RECQL5: variants seen among roughly 807,000 people sequenced by gnomAD.
The protein encoded by RECQL5 is RecQ like helicase 5.
Under a neutral mutation model 103.4 loss-of-function variants are expected in RECQL5, and 88 were observed. The observed-to-expected ratio is 0.85, with a 90% CI of 0.72 to 1.02. RECQL5 has a LOEUF of 1.02. RECQL5 is among the 50% of genes least tolerant of loss of function. The probability of loss-of-function intolerance (pLI) is 0.00; values close to 1 mark genes in which losing one functional copy is unlikely to be tolerated. For synonymous variants in RECQL5, 552 were observed against 507.9 expected (o/e 1.09, Z -1.17); for missense variants, 1,232 against 1,284.3 (o/e 0.96, Z 0.62).
Position 75,640,232 on chromosome 17 carries a change from C to G in RECQL5, c.1230-8564G>C. ...TGCCACCGACTTCGTGCAGGAGATG[C>G]GCGCCGTGGGCGAGAGGCTGCTGCT... On this transcript the variant is annotated intron_variant, in intron 8 of 19. Coordinates refer to ENST00000317905, the MANE Select transcript of RECQL5 (RefSeq NM_004259.7). This position sits in a 1 kb window ranked among gnomAD's most constrained non-coding sequence, Gnocchi z 4.6. The G allele has an allele frequency of 6.4e-7, 1 of 1,550,852 alleles. No homozygotes were observed. Among genetic ancestry groups the G allele is most frequent in the Non-Finnish European group, 8.7e-7 (1 of 1,146,750 alleles).
At chr17:75,663,122 A>C in intron 3 of RECQL5, 125 bp from the exon 4 acceptor site, 1 of 937,514 alleles carries the variant, frequency 1.1e-6, no homozygotes. Context: ...TTCTCTTTGC[A>C]TAGAAGTAGT....
In RECQL5 at chr17:75,662,473, C is replaced by T; in HGVS notation, c.771+6G>A. ...CAGCTGCTTGGCCTCCACCTCAATG[C>T]CTCACCCCTTTATCAGCCTCCTGTC... On this transcript the variant is annotated splice_donor_region_variant and intron_variant, in intron 4 of 19. Transcript: ENST00000317905. 1.2e-6 allele frequency: 2 copies of T among 1,611,320 alleles called. No individual in the cohort carries two copies. The highest frequency in any genetic ancestry group is 8.5e-7 in the Non-Finnish European group (1 of 1,178,176).
At chr17:75,633,238 T>G (rs1321184053) in intron 8 of RECQL5, among the ~76,000 whole-genome samples, 1 of 152,218 alleles carries the variant, frequency 6.6e-6, no homozygotes, top group African/African-American at 2.4e-5. Context: ...ATGGCTGGCT[T>G]CCTCCCCCTG....
intron 7 of RECQL5, among the ~76,000 whole-genome samples, chr17:75,655,520 C>A (rs368641641): frequency 1.3e-5 from 2 of 151,992 alleles, no homozygotes; most frequent in African/African-American, 4.8e-5. Context: ...CCCGCCACGA[C>A]GCCCAGCTAA....
intron 8 of RECQL5, among the ~76,000 whole-genome samples, chr17:75,644,877 G>C (rs995781999): frequency 6.7e-6 from 1 of 150,236 alleles, no homozygotes; most frequent in African/African-American, 2.4e-5. Flanking sequence ...TTAATTGAAA[G>C]AGCTGGTCAA....
chr17:75,628,150 C>T (rs2059136734), intron 18 of RECQL5, 68 bp downstream of exon 18: 4 of 1,356,090 alleles, frequency 2.9e-6, no homozygotes, highest in Admixed American at 1.7e-5. Flanking sequence ...AAACTCCCTG[C>T]CTCCCACCCC....
intron 8 of RECQL5, chr17:75,639,689 G>GTT (rs1397982358): frequency 6.5e-6 from 1 of 152,986 alleles, no homozygotes; most frequent in African/African-American, 2.4e-5. Flanking sequence ...CAGGGGGGCA[G>GTT]TTTTCACCTC....
intron 3 of RECQL5, among the ~76,000 whole-genome samples, chr17:75,664,054 CA>C (rs34569441): frequency 4.2e-4 from 44 of 105,700 alleles, no homozygotes; most frequent in African/African-American, 1.2e-3. Flanking sequence ...AACTCCATCT[CA>C]AAAAAAAAAA....
rs1156689493 is a variant in RECQL5 at position 75,640,959 on chromosome 17, T to C, written c.1230-9291A>G. 2 of 1,526,448 alleles carry C rather than the reference T, an allele frequency of 1.3e-6. No homozygotes were observed. The highest frequency in any genetic ancestry group is 1.8e-6 in the Non-Finnish European group (2 of 1,138,376). 94.6% of individuals were successfully genotyped at this position (1,526,448 alleles called of 1,614,324 possible). A position where few individuals can be genotyped will look rare whatever the true frequency, so the allele number is the denominator to read the frequency against. ...ATGGCCAATGCCATGACACAGGCCA[T>C]CAGCCTGGCCCTGCAGCCCTTACCC... On this transcript the variant is annotated intron_variant, in intron 8 of 19. Transcript: ENST00000317905. This position sits in a 1 kb window ranked among gnomAD's most constrained non-coding sequence, Gnocchi z 4.6.
Position 75,661,031 on chromosome 17 carries a change from C to T in RECQL5, c.910G>A (p.Asp304Asn), listed in dbSNP as rs1473986109. ...ACAGGGACCTTCTCCTCCATCCAGT[C>T]GTTCTGCACCAGCGTTCTTTCAGAG... is the stretch of plus-strand genomic sequence containing the variant. ...KASERTLVQN[D>N]WMEEKVPVIV... is the part of the protein sequence containing the mutation. The change falls in exon 6 of 20, where the codon GAC becomes AAC. Residue 304 changes from aspartate (D) to asparagine (N), a missense_variant. Asp to Asn is a conservative substitution (Grantham distance 23). Coordinates refer to ENST00000317905, the MANE Select transcript of RECQL5 (RefSeq NM_004259.7). 11 of 1,614,220 alleles carry T rather than the reference C, an allele frequency of 6.8e-6. No individual in the cohort carries two copies. The highest frequency in any genetic ancestry group is 4.0e-5 in the African/African-American group (3 of 75,056).
At chr17:75,659,196 G>A (rs1240454523) in intron 6 of RECQL5, among the ~76,000 whole-genome samples, 1 of 152,100 alleles carries the variant, frequency 6.6e-6, no homozygotes, top group Non-Finnish European at 1.5e-5. Context: ...TGAGTAGCTG[G>A]GACTACAGGT....
intron 14 of RECQL5, 94 bp downstream of exon 14, chr17:75,630,090 G>A (rs1327973913): frequency 8.6e-7 from 1 of 1,165,724 alleles, no homozygotes; most frequent in African/African-American, 1.6e-5. Flanking sequence ...GTGAGTTCTG[G>A]GCTGCCTGAG....
intron 8 of RECQL5, 93 bp downstream of exon 8, chr17:75,651,093 G>C: frequency 6.2e-7 from 1 of 1,607,714 alleles, no homozygotes; most frequent in South Asian, 1.1e-5. Flanking sequence ...GGTAGCCTAC[G>C]GGCTGTCTTA....
intron 8 of RECQL5, among the ~76,000 whole-genome samples, chr17:75,648,558 A>T (rs2059515811): frequency 6.7e-6 from 1 of 149,728 alleles, no homozygotes; most frequent in South Asian, 2.1e-4. Context: ...TATTTTTAGT[A>T]GAGATGGGGT....
At chr17:75,630,945 C>T (rs774868878) in intron 11 of RECQL5, 29 bp downstream of exon 11, 2 of 1,611,952 alleles carry the variant, frequency 1.2e-6, no homozygotes, top group East Asian at 2.2e-5. Flanking sequence ...GAAGAGCCCA[C>T]AAGCCTCCAG....
chr17:75,629,666 T>G, intron 15 of RECQL5, 42 bp downstream of exon 15: 1 of 1,568,910 alleles, frequency 6.4e-7, no homozygotes, highest in Non-Finnish European at 8.7e-7. Context: ...AAGTGAAGCC[T>G]TTCCTGGTCA....
At chr17:75,652,424 C>G (rs1303120873) in intron 7 of RECQL5, 1 of 152,260 alleles carries the variant, frequency 6.6e-6, no homozygotes, top group Non-Finnish European at 1.5e-5. Flanking sequence ...TCCTGAGTCT[C>G]TACTTACCAG....
chr17:75,630,506 G>T, intron 13 of RECQL5, 113 bp downstream of exon 13: 1 of 1,152,886 alleles, frequency 8.7e-7, no homozygotes, highest in East Asian at 2.4e-5. Flanking sequence ...TGGAGTAGGA[G>T]AGGTACAATC....
chr17:75,656,076 T>G (rs1599045999), intron 7 of RECQL5, among the ~76,000 whole-genome samples: 1 of 152,078 alleles, frequency 6.6e-6, no homozygotes, highest in Non-Finnish European at 1.5e-5. Context: ...CTGGGGAGCT[T>G]TTTTTGGTTT....
Sources: allele counts gnomAD v4.1 joint callset (sites outside exome capture counted in the v4.1 genomes callset), GRCh38; gene constraint gnomAD v4.1.1; non-coding constraint Gnocchi (gnomAD v3.1); transcripts MANE v1.5; gene names NCBI Gene and HGNC (gene_info 2026-07-23, HGNC 2026-07-21).